The following DAB1 variants were observed in gnomAD, a reference collection of about 807,000 sequenced individuals.
DAB1 encodes DAB adaptor protein 1.
Under a neutral mutation model 64.6 loss-of-function variants are expected in DAB1, and 15 were observed. The observed-to-expected ratio is 0.23, with a 90% confidence interval of 0.16 to 0.36. The LOEUF is 0.36. Among genes scored for constraint, DAB1 ranks in the 10% least tolerant of loss-of-function variants. The pLI is 1.00. For synonymous variants in DAB1, 235 were observed against 251.9 expected (o/e 0.93, Z 0.64); for missense variants, 596 against 706.7 (o/e 0.84, Z 1.78).
At chr1:58,081,684 T>A (rs988254104) in intron 5 of DAB1, among the ~76,000 whole-genome samples, 17 of 152,240 alleles carry the variant, frequency 1.1e-4, no homozygotes, top group African/African-American at 4.1e-4. Context: ...GGCTACCCAG[T>A]TGCCCACCTG....
chr1:57,215,551 A>AT (rs1666362397), intron 2 of DAB1, among the ~76,000 whole-genome samples: 1 of 152,190 alleles, frequency 6.6e-6, no homozygotes, highest in African/African-American at 2.4e-5. Flanking sequence ...TGGACCGTGA[A>AT]TTTTGTGTTC....
At chr1:57,226,367 C>A (rs777831409) in intron 2 of DAB1, among the ~76,000 whole-genome samples, 9 of 152,114 alleles carry the variant, frequency 5.9e-5, no homozygotes, top group Non-Finnish European at 1.2e-4. Flanking sequence ...TTTCTCATTT[C>A]AGTTAGTGGC....
intron 1 of DAB1, among the ~76,000 whole-genome samples, chr1:57,310,566 G>A (rs954356394): frequency 6.6e-6 from 1 of 152,170 alleles, no homozygotes; most frequent in Non-Finnish European, 1.5e-5. Flanking sequence ...GAAGGCTAGG[G>A]TTTTCCGGGC....
intron 2 of DAB1, among the ~76,000 whole-genome samples, chr1:58,515,966 T>C (rs1367598777): frequency 1.3e-5 from 2 of 152,216 alleles, no homozygotes; most frequent in African/African-American, 4.8e-5. Context: ...AAAAATAGAT[T>C]TTGCTTATTA....
At chr1:57,089,823 T>C (rs1358313799) in intron 4 of DAB1, among the ~76,000 whole-genome samples, 1 of 152,214 alleles carries the variant, frequency 6.6e-6, no homozygotes, top group African/African-American at 2.4e-5. Flanking sequence ...TCTACAGGCT[T>C]TACAGTCTTG....
intron 1 of DAB1, among the ~76,000 whole-genome samples, chr1:57,331,711 C>T (rs1050858965): frequency 6.6e-6 from 1 of 152,214 alleles, no homozygotes; most frequent in Non-Finnish European, 1.5e-5. Flanking sequence ...CTTTAAAAGA[C>T]AAATTCTCAA....
chr1:57,283,615 T>C (rs1267895559), intron 2 of DAB1, among the ~76,000 whole-genome samples: 1 of 152,244 alleles, frequency 6.6e-6, no homozygotes, highest in Admixed American at 6.5e-5. Flanking sequence ...CAGCCCAAGA[T>C]AGGCAAGTAG....
At chr1:57,302,597 A>T (rs975458522) in intron 1 of DAB1, among the ~76,000 whole-genome samples, 1 of 148,124 alleles carries the variant, frequency 6.8e-6, no homozygotes, top group Non-Finnish European at 1.5e-5. Flanking sequence ...GGGCACTGGG[A>T]TTTTTTTTTT....
intron 4 of DAB1, among the ~76,000 whole-genome samples, chr1:57,130,350 C>A (rs1340372310): frequency 2.0e-5 from 3 of 152,098 alleles, no homozygotes; most frequent in African/African-American, 4.8e-5. Context: ...AACAGAGATA[C>A]ATACACATTA....
chr1:58,124,160 A>T (rs951823599), intron 5 of DAB1, among the ~76,000 whole-genome samples: 1 of 151,848 alleles, frequency 6.6e-6, no homozygotes, highest in Non-Finnish European at 1.5e-5. Context: ...GGAATAAAAT[A>T]GTTGCTATCA....
At chr1:57,835,081 C>T (rs1652752250) in intron 1 of DAB1, among the ~76,000 whole-genome samples, 1 of 152,088 alleles carries the variant, frequency 6.6e-6, no homozygotes, top group African/African-American at 2.4e-5. Context: ...CAAAAAGCAC[C>T]TATAAGAAAT....
At position 57,226,672 on chromosome 1, in the gene DAB1, A is replaced by AAATAT. The variant is rs747021990; in HGVS notation, c.67+64291_67+64292insATATT. Among the ~76,000 whole-genome samples the AAATAT allele has an allele frequency of 5.3e-4, 72 of 135,998 alleles. 1 individual carries two copies. The highest frequency in any genetic ancestry group is 1.9e-3 in the African/African-American group (62 of 32,404). 89.2% of individuals were successfully genotyped at this position (135,998 alleles called of 152,430 possible). A position where few individuals can be genotyped will look rare whatever the true frequency, so the allele number is the denominator to read the frequency against. ...GTCACTCAAAAGTGGTTAAAAAAAAAATATATATATATATATATATATATA... is the reference window on the plus strand; with the variant it reads ...GTCACTCAAAAGTGGTTAAAAAAAAAAATATATATATATATATATATATATATATA... On this transcript the variant is annotated intron_variant, in intron 2 of 14. Coordinates refer to ENST00000371236, the MANE Select transcript of DAB1 (RefSeq NM_001365792.1).
chr1:57,070,977 T>A (rs780497825), intron 7 of DAB1, 46 bp downstream of exon 7: 44 of 1,524,734 alleles, frequency 2.9e-5, no homozygotes, highest in Non-Finnish European at 3.7e-5. Context: ...CTGGCACAGG[T>A]CTAGTCACTC....
chr1:57,331,227 A>G (rs1460142361), intron 1 of DAB1, among the ~76,000 whole-genome samples: 1 of 152,234 alleles, frequency 6.6e-6, no homozygotes, highest in Non-Finnish European at 1.5e-5. Context: ...TAACTGTAAG[A>G]ACAGCTAACA....
At chr1:57,053,041 A>C (rs1384534063) in intron 9 of DAB1, among the ~76,000 whole-genome samples, 1 of 152,204 alleles carries the variant, frequency 6.6e-6, no homozygotes, top group Non-Finnish European at 1.5e-5. Context: ...TTCTTTGCAG[A>C]AACTGCTTTC....
chr1:57,414,854 A>C (rs1252647841), intron 1 of DAB1, among the ~76,000 whole-genome samples: 1 of 151,542 alleles, frequency 6.6e-6, no homozygotes, highest in Non-Finnish European at 1.5e-5. Context: ...GACATTAAAT[A>C]AGAACTAAAT....
intron 6 of DAB1, among the ~76,000 whole-genome samples, chr1:57,692,805 C>A (rs1021080522): frequency 7.9e-5 from 12 of 152,142 alleles, no homozygotes; most frequent in Non-Finnish European, 1.0e-4. Context: ...GAGGACTCTG[C>A]ACCTTCTTAG....
At chr1:57,807,671 A>G (rs1286861363) in intron 6 of DAB1, among the ~76,000 whole-genome samples, 1 of 151,924 alleles carries the variant, frequency 6.6e-6, no homozygotes, top group Non-Finnish European at 1.5e-5. Context: ...TTATACCTAC[A>G]ATTTATATTA....
intron 5 of DAB1, among the ~76,000 whole-genome samples, chr1:57,931,503 G>A (rs1339439788): frequency 6.6e-6 from 1 of 152,180 alleles, no homozygotes; most frequent in Admixed American, 6.5e-5. Flanking sequence ...GTTTCGCAAG[G>A]TTATTGTTGA....
Sources: allele counts gnomAD v4.1 joint callset (sites outside exome capture counted in the v4.1 genomes callset), GRCh38; gene constraint gnomAD v4.1.1; transcripts MANE v1.5; gene names NCBI Gene and HGNC (gene_info 2026-07-23, HGNC 2026-07-21).